Variants in AHCYL2 observed in about 807,000 individuals in gnomAD.
The protein encoded by AHCYL2 is adenosylhomocysteinase like 2, also known as S-adenosylhomocysteine hydrolase-like protein 2.
A neutral mutation model predicts 81.4 loss-of-function variants in AHCYL2; 28 were observed. That is an observed-to-expected ratio of 0.34 (90% CI 0.25 to 0.47). The LOEUF (loss-of-function observed/expected upper bound fraction) is 0.47, where lower values mean the gene tolerates loss of function less well. Ranked by LOEUF, AHCYL2 falls within the 20% of genes least tolerant of loss-of-function variation. AHCYL2 has a pLI of 1.00. For synonymous variants in AHCYL2, 272 were observed against 290.2 expected, an observed-to-expected ratio of 0.94 and a Z score of 0.64; for missense variants, 551 against 785.1, an observed-to-expected ratio of 0.70 and a Z score of 3.56.
chr7:129,414,665 C>T (rs780818629), intron 12 of AHCYL2, among the ~76,000 whole-genome samples: 114 of 152,174 alleles, frequency 7.5e-4, no homozygotes, highest in East Asian at 3.1e-3. Context: ...GTGATCTGCC[C>T]ACCTCTGCCT....
chr7:129,318,326 C>T (rs947382776), intron 1 of AHCYL2, among the ~76,000 whole-genome samples: 1 of 152,220 alleles, frequency 6.6e-6, no homozygotes, highest in African/African-American at 2.4e-5. Flanking sequence ...AACTTCTGGG[C>T]TCAAGTGATC....
intron 1 of AHCYL2, among the ~76,000 whole-genome samples, chr7:129,318,728 A>G (rs1370247300): frequency 6.6e-6 from 1 of 152,194 alleles, no homozygotes; most frequent in African/African-American, 2.4e-5. Context: ...ATTAAAAAAC[A>G]TAATTGTGTA....
intron 1 of AHCYL2, among the ~76,000 whole-genome samples, chr7:129,365,628 G>GTATATATATATGTATATA (rs1554487483): frequency 1.6e-5 from 2 of 124,320 alleles, no homozygotes; most frequent in Non-Finnish European, 3.3e-5. Context: ...GGAGGATAGA[G>GTATATATATATGTATATA]TATATATATA....
chr7:129,369,157 G>T (rs543530686), intron 1 of AHCYL2, among the ~76,000 whole-genome samples: 1 of 152,172 alleles, frequency 6.6e-6, no homozygotes, highest in East Asian at 1.9e-4. Flanking sequence ...TGATAATAAG[G>T]ACTTATTTGT....
At chr7:129,373,976 A>G (rs2150869978) in intron 1 of AHCYL2, among the ~76,000 whole-genome samples, 1 of 152,330 alleles carries the variant, frequency 6.6e-6, no homozygotes, top group South Asian at 2.1e-4. Flanking sequence ...GACATTGGGC[A>G]AAGTTGCCTT....
At chr7:129,331,655 A>C (rs2150803811) in intron 1 of AHCYL2, among the ~76,000 whole-genome samples, 1 of 152,132 alleles carries the variant, frequency 6.6e-6, no homozygotes, top group East Asian at 2.0e-4. Flanking sequence ...CAGCCTGGCC[A>C]AAATAATGAA....
chr7:129,319,805 T>A (rs182865115), intron 1 of AHCYL2, among the ~76,000 whole-genome samples: 1 of 152,346 alleles, frequency 6.6e-6, no homozygotes, highest in East Asian at 1.9e-4. Context: ...GTTATCAGGT[T>A]TACTGTTGAT....
At chr7:129,374,499 A>G (rs1042983333) in intron 1 of AHCYL2, among the ~76,000 whole-genome samples, 1 of 151,694 alleles carries the variant, frequency 6.6e-6, no homozygotes, top group Non-Finnish European at 1.5e-5. Context: ...AATAAAGATT[A>G]TCCTTAAAAA....
intron 4 of AHCYL2, among the ~76,000 whole-genome samples, chr7:129,390,350 A>G (rs1051153506): frequency 6.6e-6 from 1 of 152,234 alleles, no homozygotes; most frequent in South Asian, 2.1e-4. Context: ...ATCATTTTAT[A>G]TAAGGGACAT....
At chr7:129,229,185 A>G (rs1321057671) in intron 1 of AHCYL2, among the ~76,000 whole-genome samples, 2 of 151,668 alleles carry the variant, frequency 1.3e-5, no homozygotes, top group Non-Finnish European at 2.9e-5. Flanking sequence ...CCCCTGCCTC[A>G]GCTTCCTGAG....
At chr7:129,263,618 A>T (rs1795718201) in intron 1 of AHCYL2, among the ~76,000 whole-genome samples, 1 of 152,170 alleles carries the variant, frequency 6.6e-6, no homozygotes, top group Admixed American at 6.5e-5. Flanking sequence ...TGGCAGCTTT[A>T]ATTTGTTTCT....
chr7:129,363,514 CACTT>C (rs1299970447), intron 1 of AHCYL2, among the ~76,000 whole-genome samples: 4 of 152,070 alleles, frequency 2.6e-5, no homozygotes, highest in African/African-American at 9.7e-5. Context: ...CTAAAAACAA[CACTT>C]AGTTTAGCCT....
rs778910550 is a variant in AHCYL2, at chr7:129,368,582, C to T, written c.364-11056C>T. The stretch of plus-strand genomic sequence containing the variant: ...TTCACTGGTCGTTTTGTTTCTCCTT[C>T]TGTTTCTTGATAATGAGAGGCAACC... On this transcript the variant is annotated intron_variant, in intron 1 of 16. Coordinates refer to ENST00000325006, the MANE Select transcript of AHCYL2 (RefSeq NM_015328.4). This position sits in a 1 kb window ranked among gnomAD's most constrained non-coding sequence, Gnocchi z 4.4. 8.1e-6 allele frequency: 13 copies of T among 1,602,934 alleles called. No homozygotes were observed. In the South Asian group the frequency reaches 1.4e-4, roughly 18 times the overall value.
intron 7 of AHCYL2, among the ~76,000 whole-genome samples, chr7:129,404,756 A>G (rs1563239104): frequency 6.6e-6 from 1 of 152,208 alleles, no homozygotes; most frequent in Non-Finnish European, 1.5e-5. Flanking sequence ...CAGGGAGACC[A>G]GTGCAGATTT....
chr7:129,419,755 A>C lies in AHCYL2; in HGVS notation c.1462-3085A>C, dbSNP rs536683742. Among the ~76,000 whole-genome samples, 8 of 152,230 alleles carry C rather than the reference A, an allele frequency of 5.3e-5. No homozygotes were observed. Among genetic ancestry groups the C allele is most frequent in the Non-Finnish European group, 8.8e-5 (6 of 68,004 alleles). On this transcript the variant is annotated intron_variant, in intron 12 of 16. Transcript: ENST00000325006. The surrounding 1 kb of genome is among the most constrained non-coding windows in gnomAD (Gnocchi z 4.7). The stretch of plus-strand genomic sequence containing the variant: ...CCTGAAAAAAAAAAAACAAAAAAAA[A>C]CCGGATATGCACTGTTCAGAATTAT...
At chr7:129,237,123 A>G (rs1794668169) in intron 1 of AHCYL2, among the ~76,000 whole-genome samples, 1 of 152,044 alleles carries the variant, frequency 6.6e-6, no homozygotes, top group African/African-American at 2.4e-5. Context: ...ACTTGGATTT[A>G]CCAGTTTTTT....
chr7:129,336,576 C>T (rs1766278551), intron 1 of AHCYL2, among the ~76,000 whole-genome samples: 1 of 152,058 alleles, frequency 6.6e-6, no homozygotes, highest in Admixed American at 6.6e-5. Context: ...TTGGGAATCA[C>T]TTGAGGCAGG....
In AHCYL2 at chr7:129,227,296, C is replaced by A. The variant is rs561096152; in HGVS notation, c.363+1857C>A. Among the ~76,000 whole-genome samples, 11 of 151,972 alleles carry A rather than the reference C, an allele frequency of 7.2e-5. No individual in the cohort carries two copies. The South Asian group carries it at 2.3e-3, about 32-fold the overall frequency. ...GCTTAAGTGCAAGCCCCCATGACCA[C>A]CTCTGAAAGTTACACACAGTTCAAT... On this transcript the variant is annotated intron_variant, in intron 1 of 16. Coordinates refer to ENST00000325006, the MANE Select transcript of AHCYL2 (RefSeq NM_015328.4).
At chr7:129,271,058 G>A (rs772028300) in intron 1 of AHCYL2, among the ~76,000 whole-genome samples, 2 of 151,756 alleles carry the variant, frequency 1.3e-5, no homozygotes, top group Non-Finnish European at 2.9e-5. Flanking sequence ...ACAGCTAAAG[G>A]TGCTCTAAAA....
Sources: gnomAD v4.1 joint callset for allele counts (sites outside exome capture counted in the v4.1 genomes callset) on GRCh38, gnomAD v4.1.1 for gene constraint, Gnocchi (gnomAD v3.1) non-coding constraint, MANE v1.5 for transcripts, NCBI Gene and HGNC (gene_info 2026-07-23, HGNC 2026-07-21) for gene names.